The following ATP5MC2 variants were observed in gnomAD, a reference collection of about 807,000 sequenced individuals.
ATP5MC2 encodes ATP synthase F(0) complex subunit C2, mitochondrial.
Under a neutral mutation model 13.5 loss-of-function variants are expected in ATP5MC2, and 11 were observed. The ratio of observed to expected loss-of-function variants is 0.81; its 90% CI spans 0.51 to 1.35. The LOEUF (loss-of-function observed/expected upper bound fraction) is 1.35, where lower values mean the gene tolerates loss of function less well. Ranked by LOEUF, ATP5MC2 falls within the 40% of genes most tolerant of loss-of-function variation. The probability of loss-of-function intolerance (pLI) is 0.00; values close to 1 mark genes in which losing one functional copy is unlikely to be tolerated. For missense variants in ATP5MC2, 132 were observed against 175.0 expected, an observed-to-expected ratio of 0.75 and a Z score of 1.39; for synonymous variants, 64 against 69.7, an observed-to-expected ratio of 0.92 and a Z score of 0.41.
intron 4 of ATP5MC2, among the ~76,000 whole-genome samples, chr12:53,667,956 CATATATATATATATATATATATATATAT>C (rs772110168): frequency 5.8e-4 from 39 of 67,372 alleles, no homozygotes; most frequent in Non-Finnish European, 1.1e-3. Flanking sequence ...CATACACACA[CATATATATATATATATATATATATATAT>C]ATATATATAT....
chr12:53,667,954 C>CATATATAT (rs1464740488), intron 4 of ATP5MC2, among the ~76,000 whole-genome samples: 15 of 26,956 alleles, frequency 5.6e-4, no homozygotes, highest in South Asian at 1.8e-3. Flanking sequence ...TACATACACA[C>CATATATAT]ACATATATAT....
intron 4 of ATP5MC2, among the ~76,000 whole-genome samples, chr12:53,665,952 A>C (rs1381202113): frequency 6.6e-6 from 1 of 152,186 alleles, no homozygotes; most frequent in Non-Finnish European, 1.5e-5. Flanking sequence ...CTAGAAGACA[A>C]GAGTAAGAGG....
rs959673187 is a variant in ATP5MC2 at position 53,669,151 on chromosome 12, G to A, written c.308C>T (p.Ala103Val). The A allele has an allele frequency of 6.2e-7, 1 of 1,607,694 alleles. No homozygotes were observed. Among genetic ancestry groups the A allele is most frequent in the Non-Finnish European group, 8.5e-7 (1 of 1,176,946 alleles). Residue 103 changes from alanine to valine, a missense_variant, in exon 4 of 5, where the codon GCC (alanine) becomes GTC (valine). Transcript: ENST00000394349. ...TGGAGGGTCCAACTTATCTTACCTG[G>A]CATAACCAATGATGAGGCTCCCAAA... ...TVFGSLIIGY[A>V]RNPSLKQQLF...
Position 53,669,292 on chromosome 12 carries a change from C to T in ATP5MC2, c.167G>A (p.Ser56Asn). 6.2e-7 allele frequency: 1 copy of T among 1,614,118 alleles called. No homozygotes were observed. The highest frequency in any genetic ancestry group is 8.5e-7 in the Non-Finnish European group (1 of 1,180,024). The change falls in exon 4 of 5, where the codon AGC becomes AAC. Residue 56 changes from serine to asparagine, a missense_variant. Physicochemically the swap from Ser to Asn is conservative, Grantham distance 46. Transcript: ENST00000394349. ...VSCPLTSLVS[S>N]RSFQTSAISR... is the part of the protein sequence containing the mutation. ...AATGGCGCTGGTTTGGAAGCTGCGG[C>T]TAGAGACAAGTGAGGTAAGGGGACA...
upstream of ATP5MC2, chr12:53,677,376 C>T (rs1011903298): frequency 2.6e-5 from 4 of 152,260 alleles, no homozygotes; most frequent in African/African-American, 9.6e-5. Context: ...TCCCGGGACC[C>T]CGAGCGACGC....
intron 4 of ATP5MC2, among the ~76,000 whole-genome samples, chr12:53,667,169 A>G (rs943352157): frequency 6.6e-6 from 1 of 152,062 alleles, no homozygotes; most frequent in African/African-American, 2.4e-5. Flanking sequence ...CTTAAAAAGA[A>G]CTCTATTTCT....
chr12:53,665,470 A>G, intron 4 of ATP5MC2, 42 bp from the exon 5 acceptor site: 9 of 1,478,024 alleles, frequency 6.1e-6, no homozygotes, highest in Non-Finnish European at 8.5e-6. Flanking sequence ...TCTAGTTCAC[A>G]CAAAGAAAAG....
At chr12:53,668,070 C>T (rs1404509886) in intron 4 of ATP5MC2, among the ~76,000 whole-genome samples, 2 of 147,782 alleles carry the variant, frequency 1.4e-5, no homozygotes, top group Admixed American at 1.4e-4. Context: ...CTCACTGTAA[C>T]CTCTGTCTCC....
At chr12:53,671,373 G>A (rs1440772929) in intron 2 of ATP5MC2, among the ~76,000 whole-genome samples, 1 of 152,188 alleles carries the variant, frequency 6.6e-6, no homozygotes, top group Non-Finnish European at 1.5e-5. Flanking sequence ...GAGTGCTAAG[G>A]CACATGGTAA....
chr12:53,676,093 G>A (rs376940985), upstream of ATP5MC2: 3 of 1,614,238 alleles, frequency 1.9e-6, no homozygotes, highest in South Asian at 2.2e-5. Flanking sequence ...GCGGAGCAGC[G>A]GGAAGAGCGA....
At chr12:53,672,797 T>C (rs1945141230) in intron 1 of ATP5MC2, 152 bp from the exon 2 acceptor site, 3 of 670,568 alleles carry the variant, frequency 4.5e-6, no homozygotes, top group Non-Finnish European at 7.5e-6. Flanking sequence ...CCTGAAGTCA[T>C]GACTTCTTCC....
intron 2 of ATP5MC2, among the ~76,000 whole-genome samples, chr12:53,670,927 G>T (rs1437667623): frequency 6.6e-6 from 1 of 151,854 alleles, no homozygotes; most frequent in African/African-American, 2.4e-5. Flanking sequence ...CCAGCCCGAA[G>T]TATGGTTTCT....
intron 1 of ATP5MC2, among the ~76,000 whole-genome samples, chr12:53,674,401 T>C (rs1945203698): frequency 6.6e-6 from 1 of 152,244 alleles, no homozygotes; most frequent in South Asian, 2.1e-4. Flanking sequence ...TCAAACAAGT[T>C]TCCCAGATGA....
Position 53,672,584 on chromosome 12 carries a change from G to T in ATP5MC2, c.31C>A (p.Pro11Thr). MFACSKFVST[P>T]SLVKSTSQLL... ...GAAAAGCAGGTACTCACCAAGGAGG[G>T]AGTGGAGACAAACTTGGAGCAGGCG... Residue 11 changes from proline (P) to threonine (T), a missense_variant, in exon 2 of 5, where the codon CCC (proline) becomes ACC (threonine). Transcript: ENST00000394349. 6.3e-7 allele frequency: 1 copy of T among 1,579,860 alleles called. No homozygotes were observed. Among genetic ancestry groups the T allele is most frequent in the Admixed American group, 1.9e-5 (1 of 53,864 alleles).
At position 53,669,889 on chromosome 12, in the gene ATP5MC2, C is replaced by T. The variant is rs764461297; in HGVS notation, c.99G>A (p.Pro33=). 33 of 1,613,920 alleles carry T rather than the reference C, an allele frequency of 2.0e-5. No homozygotes were observed. The highest frequency in any genetic ancestry group is 1.6e-4 in the Middle Eastern group (1 of 6,078). ...RPLSAVVLKR[P]EILTDESLSS... is the part of the protein sequence containing the mutation. ...AAGGTACCTCATCTGTCAGTATCTCCGGTCGTTTCAGCACCACTGCAGATA... is the reference window on the plus strand; with the variant it reads ...AAGGTACCTCATCTGTCAGTATCTCTGGTCGTTTCAGCACCACTGCAGATA... The change falls in exon 3 of 5, where the codon CCG becomes CCA. Residue 33 remains proline (P), a synonymous_variant. Transcript: ENST00000394349.
chr12:53,674,904 G>C (rs1593058312), intron 1 of ATP5MC2, among the ~76,000 whole-genome samples: 1 of 152,170 alleles, frequency 6.6e-6, no homozygotes, highest in African/African-American at 2.4e-5. Flanking sequence ...GAAAAAGAAG[G>C]GGTGGTTCTT....
At chr12:53,678,192 C>T (rs545208154), upstream of ATP5MC2, among the ~76,000 whole-genome samples, 259 of 152,292 alleles carry the variant, frequency 1.7e-3, no homozygotes, top group African/African-American at 6.0e-3. Flanking sequence ...TGTTTAACCC[C>T]CTCTAAATCT....
intron 4 of ATP5MC2, among the ~76,000 whole-genome samples, chr12:53,667,980 T>TATATATATAA (rs1944978659): frequency 1.6e-5 from 1 of 62,124 alleles, no homozygotes; most frequent in South Asian, 4.2e-4. Context: ...TATATATATA[T>TATATATATAA]ATATATATAT....
rs149857070 is a variant in ATP5MC2, at chr12:53,672,624, G to C, written c.-10C>G. ...TGGAGCAGGCGAACATTTTCAGGGG[G>C]TGAGGAGCTGTGGCAGGAGAGCTGG... On this transcript the variant is annotated 5_prime_UTR_variant, in exon 2 of 5. Transcript: ENST00000394349. The C allele has an allele frequency of 1.9e-5, 30 of 1,581,484 alleles. No individual in the cohort carries two copies. Among genetic ancestry groups the C allele is most frequent in the African/African-American group, 2.7e-5 (2 of 74,668 alleles).
Sources: gnomAD v4.1 joint callset for allele counts (sites outside exome capture counted in the v4.1 genomes callset) on GRCh38, gnomAD v4.1.1 for gene constraint, MANE v1.5 for transcripts, NCBI Gene and HGNC (gene_info 2026-07-23, HGNC 2026-07-21) for gene names.